The following GUSB variants were observed in gnomAD, a reference collection of about 807,000 sequenced individuals.
The protein encoded by GUSB is beta-glucuronidase.
In GUSB, 51 loss-of-function variants were observed where a neutral mutation model predicts 74.6. That is an observed-to-expected ratio of 0.68 (90% CI 0.55 to 0.86). The LOEUF is 0.86. Ranked by LOEUF, GUSB falls within the 40% of genes least tolerant of loss-of-function variation. The pLI is 0.00. For missense variants in GUSB, 736 were observed against 853.7 expected (o/e 0.86, Z 1.72); for synonymous variants, 360 against 348.3 (o/e 1.03, Z -0.37).
At position 65,962,442 on chromosome 7, in the gene GUSB, C is replaced by A. The variant is rs147331984; in HGVS notation, c.1790-1379G>T. Among the ~76,000 whole-genome samples, 31 of 152,374 alleles carry A rather than the reference C, an allele frequency of 2.0e-4. No individual in the cohort carries two copies. The East Asian group carries it at 4.0e-3, about 20-fold the overall frequency. ...AGACTGTTTCTTCCATAAGTGAACACAGGCATCGCCAAGTACTTCATCAAA... is the reference window on the plus strand; with the variant it reads ...AGACTGTTTCTTCCATAAGTGAACAAAGGCATCGCCAAGTACTTCATCAAA... On this transcript the variant is annotated intron_variant, in intron 11 of 11. Transcript: ENST00000304895.
Position 65,960,964 on chromosome 7 carries a change from G to T in GUSB, c.1889C>A (p.Ala630Asp). The change falls in exon 12 of 12, where the codon GCC becomes GAC. Residue 630 changes from alanine to aspartate, a missense_variant. Ala to Asp is a moderately radical substitution (Grantham distance 126). This residue lies in a region of GUSB where 368 missense variants were observed against 489.9 expected (regional missense o/e 0.75). Coordinates refer to ENST00000304895, the MANE Select transcript of GUSB (RefSeq NM_000181.4). ...TGAGTGGGGATACCTGGTTTCATTG[G>T]CAATCTTCCAGTATCTCTCTCGCAA... ...FLLRERYWKI[A>D]NETRYPHSVA... 6.2e-7 allele frequency: 1 copy of T among 1,613,606 alleles called. No individual in the cohort carries two copies. The highest frequency in any genetic ancestry group is 8.5e-7 in the Non-Finnish European group (1 of 1,179,778).
At position 65,982,055 on chromosome 7, in the gene GUSB, G is replaced by A; in HGVS notation, c.129C>T (p.Gly43=). ...SPSRECKELD[G]LWSFRADFSD... ...AGAAGTCGGCGCGGAAGCTCCAGAG[G>A]CCGTCCAGCTCCTTGCACTCCCGCG... The change falls in exon 1 of 12, where the codon GGC becomes GGT. Residue 43 remains glycine, a synonymous_variant. Coordinates refer to ENST00000304895, the MANE Select transcript of GUSB (RefSeq NM_000181.4). 3.1e-6 allele frequency: 5 copies of A among 1,610,854 alleles called. No individual in the cohort carries two copies. Among genetic ancestry groups the A allele is most frequent in the South Asian group, 1.1e-5 (1 of 90,888 alleles).
chr7:65,975,186 C>G (rs892990359), intron 5 of GUSB, 115 bp from the exon 6 acceptor site: 7 of 872,362 alleles, frequency 8.0e-6, no homozygotes, highest in Non-Finnish European at 1.3e-5. Context: ...GGCCTGTAAG[C>G]AGAGATGCAG....
In GUSB at chr7:65,975,050, A is replaced by C; in HGVS notation, c.934T>G (p.Ser312Ala). ...TAGAAGTCAGACACAGGCCCCAGTG[A>C]CGTCTGTGCAGTCAGCTGCACCTAT... ...SLEVQLTAQT[S>A]LGPVSDFYTL... The change falls in exon 6 of 12, where the codon TCA becomes GCA. Residue 312 changes from serine (S) to alanine (A), a missense_variant. This residue lies in a region of GUSB where 368 missense variants were observed against 489.9 expected (regional missense o/e 0.75). Transcript: ENST00000304895. The C allele has an allele frequency of 1.2e-6, 2 of 1,613,546 alleles. No homozygotes were observed. The highest frequency in any genetic ancestry group is 1.7e-6 in the Non-Finnish European group (2 of 1,179,708).
At chr7:65,979,220 G>A (rs1791809776) in intron 4 of GUSB, among the ~76,000 whole-genome samples, 179 bp downstream of exon 4, 1 of 152,156 alleles carries the variant, frequency 6.6e-6, no homozygotes, top group South Asian at 2.1e-4. Flanking sequence ...TCAACCACAC[G>A]GGTGATTTTG....
At chr7:65,976,561 G>T (rs1217531462) in intron 4 of GUSB, among the ~76,000 whole-genome samples, 1 of 151,808 alleles carries the variant, frequency 6.6e-6, no homozygotes, top group Non-Finnish European at 1.5e-5. Flanking sequence ...CTGACCTCAG[G>T]TGATCCACCC....
chr7:65,970,085 G>A (rs1235025285), intron 9 of GUSB, among the ~76,000 whole-genome samples, 197 bp downstream of exon 9: 2 of 152,124 alleles, frequency 1.3e-5, no homozygotes, highest in African/African-American at 2.4e-5. Context: ...AAGGCAGGAG[G>A]ATTGCTTGAG....
At position 65,980,326 on chromosome 7, in the gene GUSB, C is replaced by T; in HGVS notation, c.294G>A (p.Trp98Ter). 1 of 1,613,870 alleles carries T rather than the reference C, an allele frequency of 6.2e-7. No homozygotes were observed. The highest frequency in any genetic ancestry group is 8.5e-7 in the Non-Finnish European group (1 of 1,179,926). Residue 98 changes from tryptophan (W) to a stop codon, truncating the protein, a stop_gained, in exon 2 of 12, where the codon TGG (tryptophan) becomes TGA (stop). Transcript: ENST00000304895. LOFTEE classifies it high-confidence loss of function. The stretch of plus-strand genomic sequence containing the variant: ...GGATCACCTCCCGTTCGTACCACAC[C>T]CAGCCGACAAAATGCCGCAGACGCC... ...QDWRLRHFVG[W>*]VWYEREVILP...
intron 4 of GUSB, 90 bp downstream of exon 4, chr7:65,979,309 G>T: frequency 8.0e-7 from 1 of 1,256,546 alleles, no homozygotes; most frequent in Non-Finnish European, 1.2e-6. Context: ...GAGATGCTGG[G>T]AGCACCTTTT....
At chr7:65,966,800 A>C (rs73148097) in intron 10 of GUSB, among the ~76,000 whole-genome samples, 16,708 of 152,012 alleles carry the variant, frequency 0.11, 1,078 homozygotes, top group Middle Eastern at 0.2. Flanking sequence ...AAAGAAAAAA[A>C]GGCTAGCACA....
chr7:65,970,071 G>C (rs987545798), intron 9 of GUSB, among the ~76,000 whole-genome samples: 1 of 152,190 alleles, frequency 6.6e-6, no homozygotes, highest in Admixed American at 6.5e-5. Flanking sequence ...CCCTTTGGGA[G>C]GCCAAGGCAG....
chr7:65,961,465 C>T (rs988099953), intron 11 of GUSB, among the ~76,000 whole-genome samples: 2 of 152,164 alleles, frequency 1.3e-5, no homozygotes, highest in African/African-American at 2.4e-5. Context: ...AGGATGCTTG[C>T]TCTGAAGTGA....
intron 10 of GUSB, among the ~76,000 whole-genome samples, chr7:65,964,748 T>C (rs1790724022): frequency 6.6e-6 from 1 of 152,224 alleles, no homozygotes; most frequent in Non-Finnish European, 1.5e-5. Flanking sequence ...TGGTACAGTC[T>C]TAAGGCTAAA....
rs1012722290 is a variant in GUSB at position 65,981,812 on chromosome 7, TC to T, written c.210+161del. 64 of 621,956 alleles carry T rather than the reference TC, an allele frequency of 1.0e-4. No homozygotes were observed. The East Asian group carries it at 1.7e-3, about 17-fold the overall frequency. The allele number at this position is 621,956 out of a possible 1,614,324, so 38.5% of individuals were successfully genotyped here. On this transcript the variant is annotated intron_variant, in intron 1 of 11. Transcript: ENST00000304895. Reference sequence around the variant, plus strand: ...CCCCGGCCCTCCAGGGTGCTCCTGTTCCCCCGTCCCCCAAGCCGGCGCCCCC... The same window carrying T: ...CCCCGGCCCTCCAGGGTGCTCCTGTTCCCCGTCCCCCAAGCCGGCGCCCCC...
chr7:65,975,369 G>C, intron 5 of GUSB: 1 of 444,118 alleles, frequency 2.3e-6, no homozygotes, highest in Non-Finnish European at 4.2e-6. Context: ...GACAGACTGA[G>C]ACCCCATCTC....
rs375779624 is a variant in GUSB at position 65,981,952 on chromosome 7, C to T, written c.210+22G>A. Reference sequence around the variant, plus strand: ...CACCGCCGGGCTTTCGGGCGCCTCCCGGCCCTGCCCCGAGATCGCACCTCC... The same window carrying T: ...CACCGCCGGGCTTTCGGGCGCCTCCTGGCCCTGCCCCGAGATCGCACCTCC... On this transcript the variant is annotated intron_variant, in intron 1 of 11. Coordinates refer to ENST00000304895, the MANE Select transcript of GUSB (RefSeq NM_000181.4). 8 of 1,591,678 alleles carry T rather than the reference C, an allele frequency of 5.0e-6. No homozygotes were observed. The African/African-American group carries it at 9.5e-5, about 19-fold the overall frequency.
chr7:65,974,094 C>G (rs1791395658), intron 8 of GUSB, among the ~76,000 whole-genome samples: 1 of 151,690 alleles, frequency 6.6e-6, no homozygotes, highest in Non-Finnish European at 1.5e-5. Flanking sequence ...GAGACTCCAT[C>G]TCAAAAAGAA....
chr7:65,964,138 T>C (rs1433389319), intron 11 of GUSB, 185 bp downstream of exon 11: 7 of 670,488 alleles, frequency 1.0e-5, no homozygotes, highest in African/African-American at 3.6e-5. Flanking sequence ...GGGGGCCTGA[T>C]TGCTTTCCTA....
chr7:65,972,539 G>A (rs1224591851), intron 8 of GUSB, among the ~76,000 whole-genome samples: 1 of 151,984 alleles, frequency 6.6e-6, no homozygotes, highest in East Asian at 1.9e-4. Flanking sequence ...CCCCATCATT[G>A]CTCTGCCTAT....
Sources: gnomAD v4.1 joint callset for allele counts (sites outside exome capture counted in the v4.1 genomes callset) on GRCh38, gnomAD v4.1.1 for gene constraint, gnomAD v4.1.1 regional missense constraint, MANE v1.5 for transcripts, NCBI Gene and HGNC (gene_info 2026-07-23, HGNC 2026-07-21) for gene names.